Variants in GRIA4 observed in about 807,000 individuals in gnomAD.
The protein encoded by GRIA4 is glutamate ionotropic receptor AMPA type subunit 4.
In GRIA4, 34 loss-of-function variants were observed where a neutral mutation model predicts 104.0. The ratio of observed to expected loss-of-function variants is 0.33; its 90% CI spans 0.25 to 0.44. GRIA4 has a LOEUF of 0.44. Ranked by LOEUF, GRIA4 falls within the 20% of genes least tolerant of loss-of-function variation. The pLI is 1.00. For synonymous variants in GRIA4, 386 were observed against 381.9 expected (o/e 1.01, Z -0.13); for missense variants, 750 against 1,096.5 (o/e 0.68, Z 4.46).
intron 4 of GRIA4, among the ~76,000 whole-genome samples, chr11:105,754,675 C>A (rs1940199762): frequency 6.6e-6 from 1 of 152,136 alleles, no homozygotes; most frequent in Non-Finnish European, 1.5e-5. Flanking sequence ...TTTTCCAATT[C>A]TGTTTTTTAT....
chr11:105,760,854 T>A (rs193010896), intron 4 of GRIA4, among the ~76,000 whole-genome samples: 2 of 152,258 alleles, frequency 1.3e-5, no homozygotes, highest in Admixed American at 6.5e-5. Context: ...CTTTGGGATT[T>A]TTTTCATGTT....
At chr11:105,931,665 A>T (rs937803420) in intron 13 of GRIA4, among the ~76,000 whole-genome samples, 2 of 152,092 alleles carry the variant, frequency 1.3e-5, no homozygotes, top group African/African-American at 4.8e-5. Context: ...AGAGCATGCC[A>T]CTACATTTCA....
chr11:105,901,052 A>G (rs1030923032), intron 7 of GRIA4, among the ~76,000 whole-genome samples: 1 of 152,014 alleles, frequency 6.6e-6, no homozygotes, highest in African/African-American at 2.4e-5. Flanking sequence ...TCATATAATT[A>G]TTTGCACACT....
At chr11:105,678,037 A>G (rs1035755338) in intron 3 of GRIA4, among the ~76,000 whole-genome samples, 5 of 152,072 alleles carry the variant, frequency 3.3e-5, no homozygotes, top group African/African-American at 1.2e-4. Context: ...AGTTCCTTGC[A>G]TGAAGTAGAC....
chr11:105,786,829 T>C (rs898310720), intron 4 of GRIA4, among the ~76,000 whole-genome samples: 4 of 152,204 alleles, frequency 2.6e-5, no homozygotes, highest in African/African-American at 4.8e-5. Context: ...TGAATTAGAC[T>C]GCAAACATGC....
intron 3 of GRIA4, among the ~76,000 whole-genome samples, chr11:105,639,733 T>C (rs1437152106): frequency 6.6e-6 from 1 of 152,026 alleles, no homozygotes; most frequent in East Asian, 1.9e-4. Flanking sequence ...TAAAGTGACA[T>C]GATGCAGTTT....
In GRIA4 at chr11:105,976,017, A is replaced by G. The variant is rs74767148; in HGVS notation, c.2544+1573A>G. On this transcript the variant is annotated intron_variant, in intron 16 of 16. Transcript: ENST00000282499. ...TGATAGCAAAACTACAAAGTGGGAT[A>G]ATATCAAGGTGTCTTAGCCATTAGA... is the stretch of plus-strand genomic sequence containing the variant. Among the ~76,000 whole-genome samples, 881 of 152,242 alleles carry G rather than the reference A, an allele frequency of 5.8e-3. 10 individuals are homozygous for G. The highest frequency in any genetic ancestry group is 0.02 in the African/African-American group (852 of 41,582).
At chr11:105,933,571 T>C (rs901550650) in intron 13 of GRIA4, 151 bp from the exon 14 acceptor site, 11 of 567,650 alleles carry the variant, frequency 1.9e-5, no homozygotes, top group Non-Finnish European at 3.4e-5. Context: ...TATTTGAAAA[T>C]AATAATATTA....
intron 4 of GRIA4, among the ~76,000 whole-genome samples, chr11:105,849,562 C>G (rs759967935): frequency 6.6e-6 from 1 of 152,180 alleles, no homozygotes; most frequent in Non-Finnish European, 1.5e-5. Context: ...CCTATTTAAA[C>G]AGATTAGCAG....
intron 3 of GRIA4, chr11:105,707,487 T>TA (rs1438571147): frequency 6.6e-6 from 1 of 152,226 alleles, no homozygotes; most frequent in Admixed American, 6.6e-5. Context: ...AAGAAAGAGT[T>TA]ACAGGTACCT....
At chr11:105,808,114 G>A (rs116775182) in intron 4 of GRIA4, among the ~76,000 whole-genome samples, 5,212 of 152,006 alleles carry the variant, frequency 0.034, 302 homozygotes, top group African/African-American at 0.12. Context: ...TTGTTCGTGT[G>A]TGTGTGTTAA....
chr11:105,631,842 AG>A (rs1951042842), intron 3 of GRIA4, among the ~76,000 whole-genome samples: 1 of 152,206 alleles, frequency 6.6e-6, no homozygotes, highest in Non-Finnish European at 1.5e-5. Context: ...TACTATTAGG[AG>A]GGGCCAGATT....
chr11:105,615,176 G>C (rs1304153994), intron 3 of GRIA4, among the ~76,000 whole-genome samples: 1 of 151,768 alleles, frequency 6.6e-6, no homozygotes, highest in South Asian at 2.1e-4. Flanking sequence ...TTTGTGGAAT[G>C]TATACTCAAA....
chr11:105,971,834 C>A, intron 14 of GRIA4, 80 bp from the exon 15 acceptor site: 3 of 885,466 alleles, frequency 3.4e-6, no homozygotes, highest in Non-Finnish European at 5.3e-6. Flanking sequence ...TGTCACTTTG[C>A]CATGCGATTC....
intron 14 of GRIA4, among the ~76,000 whole-genome samples, chr11:105,941,660 T>C (rs1469622506): frequency 6.6e-6 from 1 of 152,138 alleles, no homozygotes; most frequent in African/African-American, 2.4e-5. Flanking sequence ...TGCTAAATAT[T>C]TGGGAGTTAG....
intron 14 of GRIA4, among the ~76,000 whole-genome samples, chr11:105,950,860 A>G (rs544859496): frequency 6.6e-6 from 1 of 152,258 alleles, no homozygotes; most frequent in East Asian, 1.9e-4. Flanking sequence ...GAGCCATAGA[A>G]GGATGAATAT....
At position 105,862,123 on chromosome 11, in the gene GRIA4, A is replaced by T. The variant is rs775853580; in HGVS notation, c.587A>T (p.Gln196Leu). Residue 196 changes from glutamine to leucine, a missense_variant, in exon 5 of 17, where the codon CAA (glutamine) becomes CTA (leucine). Physicochemically the swap from Gln to Leu is moderately radical, Grantham distance 113. This residue lies in a region of GRIA4 where 410 missense variants were observed against 502.7 expected (regional missense o/e 0.82). Transcript: ENST00000282499. Reference protein sequence around the residue: ...VENFNDVSYRQLLEELDRRQE... With the variant: ...VENFNDVSYRLLLEELDRRQE... ...AATTTTAATGATGTCAGCTATAGGCAACTTCTAGAAGAACTTGACAGAAGA... is the reference window on the plus strand; with the variant it reads ...AATTTTAATGATGTCAGCTATAGGCTACTTCTAGAAGAACTTGACAGAAGA... 1.9e-6 allele frequency: 3 copies of T among 1,608,072 alleles called. No homozygotes were observed. Among genetic ancestry groups the T allele is most frequent in the Non-Finnish European group, 1.7e-6 (2 of 1,174,576 alleles).
rs199993700 is a variant in GRIA4, at chr11:105,829,094, T to C, written c.488-32930T>C. 3.2e-4 allele frequency among the ~76,000 whole-genome samples: 48 copies of C among 151,140 alleles called. 1 individual carries two copies. The highest frequency in any genetic ancestry group is 1.8e-3 in the East Asian group (9 of 5,080). ...ATTGTGTGCTATATCCAGTGATGTATACACACACACACAAATAGACTGATA... is the reference window on the plus strand; with the variant it reads ...ATTGTGTGCTATATCCAGTGATGTACACACACACACACAAATAGACTGATA... On this transcript the variant is annotated intron_variant, in intron 4 of 16. Transcript: ENST00000282499.
In GRIA4 at chr11:105,844,558, A is replaced by T. The variant is rs1301791954; in HGVS notation, c.488-17466A>T. Among the ~76,000 whole-genome samples, 3 of 152,372 alleles carry T rather than the reference A, an allele frequency of 2.0e-5. No individual in the cohort carries two copies. In the East Asian group the frequency reaches 5.8e-4, roughly 29 times the overall value. On this transcript the variant is annotated intron_variant, in intron 4 of 16. Transcript: ENST00000282499. ...CATTAAGAACAAACTATTCAGTAACAGCTTTTAATAAGGTAAATATCCAAC... is the reference window on the plus strand; with the variant it reads ...CATTAAGAACAAACTATTCAGTAACTGCTTTTAATAAGGTAAATATCCAAC...
Sources: gnomAD v4.1 joint callset for allele counts (sites outside exome capture counted in the v4.1 genomes callset) on GRCh38, gnomAD v4.1.1 for gene constraint, gnomAD v4.1.1 regional missense constraint, MANE v1.5 for transcripts, NCBI Gene and HGNC (gene_info 2026-07-23, HGNC 2026-07-21) for gene names.